The following NLRP9 variants were observed in gnomAD, a reference collection of about 807,000 sequenced individuals.
NLRP9 encodes the protein NLR family pyrin domain containing 9.
A neutral mutation model predicts 83.1 loss-of-function variants in NLRP9; 88 were observed. The observed-to-expected ratio is 1.06, with a 90% CI of 0.89 to 1.26. The LOEUF (loss-of-function observed/expected upper bound fraction) is 1.26. Among genes scored for constraint, NLRP9 ranks in the 50% most tolerant of loss-of-function variants. NLRP9 has a pLI of 0.00. For synonymous variants in NLRP9, 521 were observed against 447.6 expected, an observed-to-expected ratio of 1.16 and a Z score of -2.07; for missense variants, 1,308 against 1,179.3, an observed-to-expected ratio of 1.11 and a Z score of -1.60.
intron 4 of NLRP9, among the ~76,000 whole-genome samples, chr19:55,718,483 G>T (rs933661029): frequency 1.3e-5 from 2 of 152,206 alleles, no homozygotes; most frequent in African/African-American, 4.8e-5. Flanking sequence ...TGTGGCTGGA[G>T]GCGAGATATG....
Position 55,716,808 on chromosome 19 carries a change from T to C in NLRP9, c.2250A>G (p.Val750=). 6.2e-7 allele frequency: 1 copy of C among 1,613,890 alleles called. No individual in the cohort carries two copies. Among genetic ancestry groups the C allele is most frequent in the Non-Finnish European group, 8.5e-7 (1 of 1,179,882 alleles). The change falls in exon 5 of 9, where the codon GTA becomes GTG. Residue 750 remains valine, a synonymous_variant. Coordinates refer to ENST00000332836, the MANE Select transcript of NLRP9 (RefSeq NM_176820.4). ...TTCCTTCGTCCCTCAAGGGATTTTC[T>C]ACCAAGGAGAGGTGTTTCAGCTTGC... ...CNSKLKHLSL[V]ENPLRDEGMT...
intron 6 of NLRP9, among the ~76,000 whole-genome samples, chr19:55,714,796 C>T (rs550645219): frequency 2.0e-4 from 30 of 152,120 alleles, no homozygotes; most frequent in African/African-American, 5.3e-4. Flanking sequence ...TTTCTCACGG[C>T]GTCCACAGAT....
intron 4 of NLRP9, among the ~76,000 whole-genome samples, chr19:55,722,807 C>G (rs904885845): frequency 6.6e-6 from 1 of 152,072 alleles, no homozygotes; most frequent in Admixed American, 6.5e-5. Context: ...CCATGGAATA[C>G]TATGCAGCCA....
chr19:55,735,220 G>A (rs1216773163), intron 1 of NLRP9, among the ~76,000 whole-genome samples: 9 of 152,236 alleles, frequency 5.9e-5, no homozygotes, highest in Middle Eastern at 3.4e-3. Context: ...TAACACCGTC[G>A]CACAGGAGTT....
rs185451649 is a variant in NLRP9, at chr19:55,722,462, C to A, written c.2159+1518G>T. ...AAACAACCCTTATGCATAGAACCTG[C>A]CTCTTTCTCCTGATGGGTCTAGACG... On this transcript the variant is annotated intron_variant, in intron 4 of 8. Transcript: ENST00000332836. Among the ~76,000 whole-genome samples, 12 of 152,284 alleles carry A rather than the reference C, an allele frequency of 7.9e-5. 1 individual carries two copies. The highest frequency in any genetic ancestry group is 6.5e-4 in the Admixed American group (10 of 15,296).
rs377214144 is a variant in NLRP9 at position 55,734,038 on chromosome 19, G to T, written c.281-488C>A. ...CCCGGGTTCACGCCATTCTCCTGCC[G>T]CAGCCTCCCGAGTAGCTGGGGCTAC... is the stretch of plus-strand genomic sequence containing the variant. On this transcript the variant is annotated intron_variant, in intron 1 of 8. Coordinates refer to ENST00000332836, the MANE Select transcript of NLRP9 (RefSeq NM_176820.4). 2.6e-3 allele frequency among the ~76,000 whole-genome samples: 391 copies of T among 148,634 alleles called. 2 individuals carry two copies. Among genetic ancestry groups the T allele is most frequent in the African/African-American group, 9.0e-3 (364 of 40,268 alleles).
In NLRP9 at chr19:55,715,173, G is replaced by C. The variant is rs774951441; in HGVS notation, c.2383C>G (p.Leu795Val). The C allele has an allele frequency of 1.2e-5, 20 of 1,613,310 alleles. No homozygotes were observed. The highest frequency in any genetic ancestry group is 1.7e-5 in the Admixed American group (1 of 59,968). Reference sequence around the variant, plus strand: ...AGGGACAGGGACTTACTGCACAAGAGGACTTCGGAAATGGAGTCACAGGAG... The same window carrying C: ...AGGGACAGGGACTTACTGCACAAGACGACTTCGGAAATGGAGTCACAGGAG... ...SVSCDSISEV[L>V]LCSKSLSLLD... The change falls in exon 6 of 9, where the codon CTC becomes GTC. Residue 795 changes from leucine to valine, a missense_variant. Leu to Val is a conservative substitution (Grantham distance 32). Transcript: ENST00000332836.
chr19:55,738,054 G>C, intron 1 of NLRP9, 41 bp downstream of exon 1: 2 of 1,597,946 alleles, frequency 1.3e-6, no homozygotes, highest in Non-Finnish European at 1.7e-6. Flanking sequence ...CTTGTTCCCA[G>C]GCTTCCCCCA....
chr19:55,732,901 G>T lies in NLRP9; in HGVS notation c.930C>A (p.Phe310Leu). Residue 310 changes from phenylalanine to leucine, a missense_variant, in exon 2 of 9, where the codon TTC (phenylalanine) becomes TTA (leucine). By Grantham distance (22) the Phe-to-Leu change is conservative (BLOSUM62 0). Coordinates refer to ENST00000332836, the MANE Select transcript of NLRP9 (RefSeq NM_176820.4). ...TCAGGGCTTTGCTCTTCTCACCAAA[G>T]AAGTAGGAGAAATACGACTTCTTTT... ...ESEKKSYFSY[F>L]FGEKSKALKV... The T allele has an allele frequency of 6.2e-7, 1 of 1,613,886 alleles. No homozygotes were observed. The highest frequency in any genetic ancestry group is 8.5e-7 in the Non-Finnish European group (1 of 1,179,982).
Position 55,729,980 on chromosome 19 carries a change from C to A in NLRP9, c.1845G>T (p.Lys615Asn), listed in dbSNP as rs1442877405. Residue 615 changes from lysine to asparagine, a missense_variant, in exon 3 of 9, where the codon AAG (lysine) becomes AAT (asparagine). Coordinates refer to ENST00000332836, the MANE Select transcript of NLRP9 (RefSeq NM_176820.4). ...AGCAAAGCTCCCGCCAGTAGACGAG[C>A]TTCTCATTGTAACTATGAGAGAACA... ...DSGCISDYNE[K>N]LVYWRELCSM... The A allele has an allele frequency of 6.2e-7, 1 of 1,612,920 alleles. No homozygotes were observed. The highest frequency in any genetic ancestry group is 8.5e-7 in the Non-Finnish European group (1 of 1,179,492).
Position 55,716,680 on chromosome 19 carries a change from G to A in NLRP9, c.2330+48C>T, listed in dbSNP as rs762487467. 4.1e-5 allele frequency: 62 copies of A among 1,521,414 alleles called. 1 individual carries two copies. In the South Asian group the frequency reaches 5.6e-4, roughly 14 times the overall value. 94.2% of individuals were successfully genotyped at this position (1,521,414 alleles called of 1,614,324 possible). On this transcript the variant is annotated intron_variant, in intron 5 of 8. Coordinates refer to ENST00000332836, the MANE Select transcript of NLRP9 (RefSeq NM_176820.4). ...TTGCTTTGATAATGGGTGGATCCAGGTGCACGCTTCAGAAATCTCCGAACG... is the reference window on the plus strand; with the variant it reads ...TTGCTTTGATAATGGGTGGATCCAGATGCACGCTTCAGAAATCTCCGAACG...
chr19:55,730,551 T>C (rs1169721061), intron 2 of NLRP9, among the ~76,000 whole-genome samples: 1 of 151,810 alleles, frequency 6.6e-6, no homozygotes. Context: ...ATGTGGTACA[T>C]ATACATCATG....
chr19:55,715,548 G>C (rs1368588227), intron 5 of NLRP9, among the ~76,000 whole-genome samples: 1 of 152,278 alleles, frequency 6.6e-6, no homozygotes, highest in East Asian at 1.9e-4. Context: ...GCCAGGCATG[G>C]TGACGCACAC....
chr19:55,731,372 AAAG>A lies in NLRP9; in HGVS notation c.1832+624_1832+626del, dbSNP rs529027072. 3.0e-3 allele frequency among the ~76,000 whole-genome samples: 464 copies of A among 152,152 alleles called. 3 individuals are homozygous for A. Among genetic ancestry groups the A allele is most frequent in the Non-Finnish European group, 4.9e-3 (333 of 67,980 alleles). Reference sequence around the variant, plus strand: ...CAACAATAAAAATGGTGAAAAAAAAAAAGAAGAAAAGGAAAGAAAGAGAGAAAA... The same window carrying A: ...CAACAATAAAAATGGTGAAAAAAAAAAAGAAAAGGAAAGAAAGAGAGAAAA... On this transcript the variant is annotated intron_variant, in intron 2 of 8. Coordinates refer to ENST00000332836, the MANE Select transcript of NLRP9 (RefSeq NM_176820.4).
chr19:55,729,726 G>A (rs1988514513), intron 3 of NLRP9, 105 bp downstream of exon 3: 4 of 876,714 alleles, frequency 4.6e-6, no homozygotes, highest in Admixed American at 2.4e-5. Flanking sequence ...TTAACACACT[G>A]GATTGCCGCT....
chr19:55,716,685 C>T (rs202199020), intron 5 of NLRP9, 43 bp downstream of exon 5: 94 of 1,557,104 alleles, frequency 6.0e-5, no homozygotes, highest in Middle Eastern at 3.6e-4. Context: ...TCCAGGTGCA[C>T]GCTTCAGAAA....
In NLRP9 at chr19:55,716,766, T is replaced by G; in HGVS notation, c.2292A>C (p.Glu764Asp). The G allele has an allele frequency of 6.2e-7, 1 of 1,613,904 alleles. No individual in the cohort carries two copies. The highest frequency in any genetic ancestry group is 8.5e-7 in the Non-Finnish European group (1 of 1,179,924). Residue 764 changes from glutamate to aspartate, a missense_variant, in exon 5 of 9, where the codon GAA becomes GAC. Transcript: ENST00000332836. ...GGGCACAGTGTGAGTGCTTCAGGGC[T>G]TCACACAGCAACGTCATTCCTTCGT... ...LRDEGMTLLCEALKHSHCALE... is the reference protein window; with the variant it reads ...LRDEGMTLLCDALKHSHCALE...
rs1460449417 is a variant in NLRP9 at position 55,724,123 on chromosome 19, T to A, written c.2016A>T (p.Gly672=). The change falls in exon 4 of 9, where the codon GGA becomes GGT. Residue 672 remains glycine (G), a synonymous_variant. Transcript: ENST00000332836. ...CTGCCTTAAATAATTCTGAATCATG[T>A]CCAAAGTACACAGAAGTAAATCTGC... ...RKLIFTSVYF[G]HDSELFKAVL... 6.2e-7 allele frequency: 1 copy of A among 1,611,414 alleles called. No homozygotes were observed. The highest frequency in any genetic ancestry group is 2.2e-5 in the East Asian group (1 of 44,852).
chr19:55,715,188 A>C lies in NLRP9; in HGVS notation c.2368T>G (p.Ser790Ala), dbSNP rs1987960964. The C allele has an allele frequency of 6.2e-6, 10 of 1,613,436 alleles. No individual in the cohort carries two copies. The East Asian group carries it at 2.0e-4, about 32-fold the overall frequency. Residue 790 changes from serine (S) to alanine (A), a missense_variant, in exon 6 of 9, where the codon TCC becomes GCC. By Grantham distance (99) the Ser-to-Ala change is moderately conservative. Transcript: ENST00000332836. ...CTGCACAAGAGGACTTCGGAAATGG[A>C]GTCACAGGAGACAGAGGTGAGACAG... ...YCCLTSVSCD[S>A]ISEVLLCSKS...
Sources: allele counts gnomAD v4.1 joint callset (sites outside exome capture counted in the v4.1 genomes callset), GRCh38; gene constraint gnomAD v4.1.1; transcripts MANE v1.5; gene names NCBI Gene and HGNC (gene_info 2026-07-23, HGNC 2026-07-21).